Variants in CFAP20DC observed in about 807,000 individuals in gnomAD.
The protein encoded by CFAP20DC is protein CFAP20DC.
In CFAP20DC, 84 loss-of-function variants were observed where a neutral mutation model predicts 101.7. The observed-to-expected ratio is 0.83, with a 90% CI of 0.69 to 0.99. CFAP20DC has a LOEUF of 0.99. Ranked by LOEUF, CFAP20DC falls within the 50% of genes least tolerant of loss-of-function variation. The pLI is 0.00. For missense variants in CFAP20DC, 1,007 were observed against 970.3 expected (o/e 1.04, Z -0.50); for synonymous variants, 359 against 351.2 (o/e 1.02, Z -0.25).
In CFAP20DC at chr3:58,722,155, G is replaced by T. The variant is rs552708355; in HGVS notation, c.198-4527C>A. On this transcript the variant is annotated intron_variant, in intron 3 of 3. Coordinates refer to the CFAP20DC transcript ENST00000486145. The surrounding 1 kb of genome is among the most constrained non-coding windows in gnomAD (Gnocchi z 4.5). ...GCCACATGTAGACCCTCTGGTCAAT[G>T]GTCCCAGCTAAAGCCCAGCCTCCGG... is the stretch of plus-strand genomic sequence containing the variant. Among the ~76,000 whole-genome samples the T allele has an allele frequency of 2.4e-4, 36 of 152,318 alleles. No homozygotes were observed. Among genetic ancestry groups the T allele is most frequent in the African/African-American group, 8.2e-4 (34 of 41,558 alleles).
chr3:58,914,686 A>G lies in CFAP20DC; in HGVS notation c.394-822T>C, dbSNP rs1186569563. 3.4e-5 allele frequency among the ~76,000 whole-genome samples: 5 copies of G among 148,618 alleles called. No individual in the cohort carries two copies. The highest frequency in any genetic ancestry group is 7.4e-5 in the Non-Finnish European group (5 of 67,350). ...AGGTCCTGTATATATAAATATATAT[A>G]TATATATTTTTTTTCTTTTTTTTAA... On this transcript the variant is annotated intron_variant, in intron 5 of 16. Transcript: ENST00000482387. The surrounding 1 kb of genome is among the most constrained non-coding windows in gnomAD (Gnocchi z 4.9).
At position 58,843,420 on chromosome 3, in the gene CFAP20DC, A is replaced by C. The variant is rs1414220098; in HGVS notation, c.1971+5612T>G. ...CTGGAAGAAAGGGTATCAGCAATGG[A>C]AGATGAAATGAATGAAATGAAGCGA... On this transcript the variant is annotated intron_variant, in intron 13 of 16. Transcript: ENST00000482387. Among the ~76,000 whole-genome samples, 4 of 152,064 alleles carry C rather than the reference A, an allele frequency of 2.6e-5. No homozygotes were observed. In the East Asian group the frequency reaches 7.7e-4, roughly 29 times the overall value.
At chr3:58,730,318 T>C (rs935725801) in intron 3 of CFAP20DC, among the ~76,000 whole-genome samples, 1 of 152,216 alleles carries the variant, frequency 6.6e-6, no homozygotes, top group Non-Finnish European at 1.5e-5. Flanking sequence ...TGTATGCATA[T>C]ATCAAAACAT....
At chr3:58,839,193 G>A (rs184517149) in intron 13 of CFAP20DC, among the ~76,000 whole-genome samples, 2 of 152,248 alleles carry the variant, frequency 1.3e-5, no homozygotes, top group Admixed American at 6.5e-5. Flanking sequence ...AGTGGCAAGA[G>A]AAGTTGTCAC....
chr3:58,891,683 A>G (rs886140522), intron 6 of CFAP20DC, among the ~76,000 whole-genome samples: 1 of 151,844 alleles, frequency 6.6e-6, no homozygotes, highest in African/African-American at 2.4e-5. Flanking sequence ...AAATTTCTTA[A>G]GTTCCTTGTA....
intron 15 of CFAP20DC, among the ~76,000 whole-genome samples, chr3:58,765,507 A>AAAAAAACAAAAAAAAAAAAAAAAAC (rs1553651634): frequency 6.8e-6 from 1 of 146,586 alleles, no homozygotes; most frequent in African/African-American, 2.5e-5. Context: ...AAAAAAAAAA[A>AAAAAAACAAAAAAAAAAAAAAAAAC]CAAACAGAAA....
chr3:58,849,450 T>A, intron 12 of CFAP20DC, 41 bp from the exon 13 acceptor site: 1 of 1,440,362 alleles, frequency 6.9e-7, no homozygotes, highest in Non-Finnish European at 9.1e-7. Flanking sequence ...TGAGCAGAAA[T>A]TTGTGGTGAA....
chr3:58,911,778 C>G (rs2084182737), intron 6 of CFAP20DC, among the ~76,000 whole-genome samples: 1 of 152,020 alleles, frequency 6.6e-6, no homozygotes, highest in South Asian at 2.1e-4. Context: ...CTGATGCACC[C>G]ATGTTCAAAA....
intron 12 of CFAP20DC, among the ~76,000 whole-genome samples, chr3:58,850,547 C>T (rs762919226): frequency 7.5e-5 from 11 of 146,308 alleles, no homozygotes; most frequent in Non-Finnish European, 1.2e-4. Flanking sequence ...AAGATCATGC[C>T]ATTGCACCCC....
chr3:58,880,195 G>A (rs1304760461), intron 7 of CFAP20DC, among the ~76,000 whole-genome samples: 1 of 152,072 alleles, frequency 6.6e-6, no homozygotes, highest in Non-Finnish European at 1.5e-5. Flanking sequence ...CACTGCCCCT[G>A]TCTCTACTAG....
intron 4 of CFAP20DC, among the ~76,000 whole-genome samples, chr3:59,011,257 G>A (rs1004974623): frequency 2.0e-5 from 3 of 152,082 alleles, no homozygotes; most frequent in African/African-American, 7.2e-5. Context: ...AATTAGCTGG[G>A]CATAGTGGTG....
intron 3 of CFAP20DC, among the ~76,000 whole-genome samples, chr3:59,040,028 G>GT (rs1037716736): frequency 1.3e-5 from 2 of 151,950 alleles, no homozygotes; most frequent in Non-Finnish European, 1.5e-5. Flanking sequence ...TTCACTGGCA[G>GT]TTTTAACTGT....
At position 58,834,580 on chromosome 3, in the gene CFAP20DC, G is replaced by A. The variant is rs570391922; in HGVS notation, c.1972-2691C>T. Reference sequence around the variant, plus strand: ...AGAGGATGTGGCAGTGGTTAAGCCAGAAAAATCTAAGCCTGGGCCTTCGTT... The same window carrying A: ...AGAGGATGTGGCAGTGGTTAAGCCAAAAAAATCTAAGCCTGGGCCTTCGTT... On this transcript the variant is annotated intron_variant, in intron 13 of 16. Coordinates refer to ENST00000482387, the MANE Select transcript of CFAP20DC (RefSeq NM_001394063.1). Among the ~76,000 whole-genome samples the A allele has an allele frequency of 3.3e-5, 5 of 152,246 alleles. No homozygotes were observed. The South Asian group carries it at 1.0e-3, about 32-fold the overall frequency.
intron 14 of CFAP20DC, among the ~76,000 whole-genome samples, chr3:58,816,408 C>T (rs1296054986): frequency 6.6e-6 from 1 of 152,178 alleles, no homozygotes; most frequent in Non-Finnish European, 1.5e-5. Flanking sequence ...GAGTGCCAGA[C>T]AGTGGGCACA....
chr3:58,872,950 A>G lies in CFAP20DC; in HGVS notation c.716-2641T>C, dbSNP rs114535224. 9.5e-3 allele frequency among the ~76,000 whole-genome samples: 1,423 copies of G among 150,574 alleles called. 21 individuals are homozygous for G. The highest frequency in any genetic ancestry group is 0.033 in the African/African-American group (1,358 of 40,800). On this transcript the variant is annotated intron_variant, in intron 7 of 16. Transcript: ENST00000482387. ...GATACTGTCAGGCAGGTCCTCAGGCAGAAGTCTGGATAGCTATTCTGGATG... is the reference window on the plus strand; with the variant it reads ...GATACTGTCAGGCAGGTCCTCAGGCGGAAGTCTGGATAGCTATTCTGGATG...
At chr3:58,968,059 G>A (rs1395959003) in intron 4 of CFAP20DC, among the ~76,000 whole-genome samples, 1 of 152,170 alleles carries the variant, frequency 6.6e-6, no homozygotes, top group African/African-American at 2.4e-5. Flanking sequence ...TTTTATGGCT[G>A]CATAGTATTC....
At position 58,868,023 on chromosome 3, in the gene CFAP20DC, T is replaced by C; in HGVS notation, c.1016-87A>G. The C allele has an allele frequency of 7.3e-7, 1 of 1,361,772 alleles. No homozygotes were observed. 84.4% of individuals were successfully genotyped at this position (1,361,772 alleles called of 1,614,324 possible). A position where few individuals can be genotyped will look rare whatever the true frequency, so the allele number is the denominator to read the frequency against. Reference sequence around the variant, plus strand: ...TCAGTAAATATAATTATCACTATAATGAGAATATTCATGTATAATTTTGAC... The same window carrying C: ...TCAGTAAATATAATTATCACTATAACGAGAATATTCATGTATAATTTTGAC... On this transcript the variant is annotated intron_variant, in intron 9 of 16. Transcript: ENST00000482387. This position sits in a 1 kb window ranked among gnomAD's most constrained non-coding sequence, Gnocchi z 4.6.
chr3:58,950,612 C>G (rs990035944), intron 4 of CFAP20DC, among the ~76,000 whole-genome samples: 3 of 152,138 alleles, frequency 2.0e-5, no homozygotes, highest in African/African-American at 7.2e-5. Flanking sequence ...CACCGCATAT[C>G]TACAACCATC....
intron 4 of CFAP20DC, among the ~76,000 whole-genome samples, chr3:58,983,798 T>C (rs942595506): frequency 1.3e-5 from 2 of 152,332 alleles, no homozygotes; most frequent in South Asian, 4.1e-4. Context: ...GTCCTTTTAT[T>C]ATTCCCATTT....
Sources: gnomAD v4.1 joint callset for allele counts (sites outside exome capture counted in the v4.1 genomes callset) on GRCh38, gnomAD v4.1.1 for gene constraint, Gnocchi (gnomAD v3.1) non-coding constraint, MANE v1.5 for transcripts, NCBI Gene and HGNC (gene_info 2026-07-23, HGNC 2026-07-21) for gene names.